The following AP2B1 variants were observed in gnomAD, a reference collection of about 807,000 sequenced individuals.
The protein encoded by AP2B1 is adaptor related protein complex 2 subunit beta 1, also known as AP-2 complex subunit beta.
AP2B1 carries 23 observed loss-of-function variants against 102.0 expected under a neutral mutation model. The ratio of observed to expected loss-of-function variants is 0.23; its 90% CI spans 0.16 to 0.32. The LOEUF is 0.32. AP2B1 is among the 10% of genes least tolerant of loss of function. AP2B1 has a pLI of 1.00. For missense variants in AP2B1, 541 were observed against 1,157.4 expected, an observed-to-expected ratio of 0.47 and a Z score of 7.73; for synonymous variants, 381 against 421.2, an observed-to-expected ratio of 0.90 and a Z score of 1.17.
At chr17:35,704,761 G>A (rs1173894167) in intron 18 of AP2B1, among the ~76,000 whole-genome samples, 8 of 152,088 alleles carry the variant, frequency 5.3e-5, no homozygotes, top group Non-Finnish European at 8.8e-5. Flanking sequence ...GGCTGGGTGC[G>A]GTGGCTCACG....
chr17:35,654,448 C>T (rs1053512677), intron 13 of AP2B1, among the ~76,000 whole-genome samples: 1 of 152,178 alleles, frequency 6.6e-6, no homozygotes, highest in Non-Finnish European at 1.5e-5. Flanking sequence ...ATATACCTAT[C>T]ACTCAGCTTT....
intron 14 of AP2B1, 73 bp downstream of exon 14, chr17:35,657,864 A>C: frequency 2.8e-6 from 4 of 1,407,374 alleles, no homozygotes; most frequent in Non-Finnish European, 3.9e-6. Context: ...TAAATTATTC[A>C]GCTTTTTAGA....
At chr17:35,661,532 A>G (rs1741600985) in intron 14 of AP2B1, among the ~76,000 whole-genome samples, 1 of 152,156 alleles carries the variant, frequency 6.6e-6, no homozygotes, top group African/African-American at 2.4e-5. Flanking sequence ...TTCCCCCTGA[A>G]TATTTTTCTG....
chr17:35,632,344 A>G (rs186558953), intron 9 of AP2B1, among the ~76,000 whole-genome samples: 2 of 152,162 alleles, frequency 1.3e-5, no homozygotes, highest in African/African-American at 2.4e-5. Flanking sequence ...CATGTTGGCT[A>G]TGCTGGTCTT....
chr17:35,601,939 G>A (rs1167169687), intron 3 of AP2B1, among the ~76,000 whole-genome samples: 2 of 152,032 alleles, frequency 1.3e-5, no homozygotes, highest in Admixed American at 1.3e-4. Flanking sequence ...CACCACGCCC[G>A]GCTAATTTTG....
chr17:35,688,046 G>A (rs1464825078), intron 18 of AP2B1, among the ~76,000 whole-genome samples: 3 of 152,134 alleles, frequency 2.0e-5, no homozygotes, highest in Non-Finnish European at 4.4e-5. Flanking sequence ...CTTTCTTAAA[G>A]TCTCTTCTAG....
At chr17:35,686,873 G>GGAGAATGGCGT (rs1316022061) in intron 18 of AP2B1, among the ~76,000 whole-genome samples, 7 of 152,210 alleles carry the variant, frequency 4.6e-5, no homozygotes, top group South Asian at 4.1e-4. Flanking sequence ...GGCTGAGGCA[G>GGAGAATGGCGT]GAGAATGGCG....
intron 18 of AP2B1, 56 bp from the exon 19 acceptor site, chr17:35,709,168 T>C (rs993670321): frequency 1.4e-6 from 2 of 1,475,798 alleles, no homozygotes; most frequent in Non-Finnish European, 1.9e-6. Context: ...GCTGTTCTTT[T>C]CCTCCTACCT....
intron 20 of AP2B1, among the ~76,000 whole-genome samples, chr17:35,711,474 C>G (rs915373094): frequency 3.4e-5 from 5 of 148,420 alleles, no homozygotes; most frequent in Non-Finnish European, 7.5e-5. Context: ...TCCCCCACCC[C>G]ACTCCCCGGC....
chr17:35,720,968 A>G (rs782673189), intron 21 of AP2B1, among the ~76,000 whole-genome samples: 9 of 152,158 alleles, frequency 5.9e-5, no homozygotes, highest in Non-Finnish European at 7.3e-5. Context: ...CTAAAGAGGC[A>G]GACTCTAAAG....
chr17:35,621,788 A>G (rs1567831049), intron 5 of AP2B1, among the ~76,000 whole-genome samples: 2 of 151,852 alleles, frequency 1.3e-5, no homozygotes, highest in Non-Finnish European at 2.9e-5. Flanking sequence ...TTTTCTCCCC[A>G]TTGCTGTTTT....
intron 18 of AP2B1, among the ~76,000 whole-genome samples, chr17:35,683,939 C>T (rs2075877400): frequency 6.6e-6 from 1 of 152,124 alleles, no homozygotes; most frequent in Non-Finnish European, 1.5e-5. Flanking sequence ...GGGTATAGCC[C>T]CTTGTGAGAA....
At chr17:35,720,548 TATATA>T (rs2085334510) in intron 21 of AP2B1, among the ~76,000 whole-genome samples, 1 of 46,384 alleles carries the variant, frequency 2.2e-5, no homozygotes, top group African/African-American at 8.3e-5. Context: ...ATTTTATTTA[TATATA>T]TATATATATA....
At chr17:35,698,687 A>G (rs1216570526) in intron 18 of AP2B1, among the ~76,000 whole-genome samples, 4 of 152,188 alleles carry the variant, frequency 2.6e-5, no homozygotes, top group Non-Finnish European at 4.4e-5. Flanking sequence ...GTAGTCTTTC[A>G]TGAAAATTGT....
chr17:35,712,632 A>G (rs1555588124), intron 20 of AP2B1, among the ~76,000 whole-genome samples: 1 of 152,182 alleles, frequency 6.6e-6, no homozygotes, highest in African/African-American at 2.4e-5. Context: ...CCGTCTCAAA[A>G]AAAAAATAAA....
chr17:35,680,706 T>TTTG (rs1567972437), intron 17 of AP2B1, among the ~76,000 whole-genome samples: 85 of 147,376 alleles, frequency 5.8e-4, no homozygotes, highest in African/African-American at 2.0e-3. Context: ...TTTTGTTTTT[T>TTTG]TTTTTTTTTT....
chr17:35,611,652 A>G (rs558434150), intron 5 of AP2B1, among the ~76,000 whole-genome samples: 1 of 152,362 alleles, frequency 6.6e-6, no homozygotes, highest in Non-Finnish European at 1.5e-5. Context: ...ATCAGGTGGC[A>G]TACGTATGCT....
chr17:35,633,060 T>A (rs1290520008), intron 9 of AP2B1, among the ~76,000 whole-genome samples: 1 of 151,942 alleles, frequency 6.6e-6, no homozygotes, highest in Non-Finnish European at 1.5e-5. Flanking sequence ...AGGACAGAAC[T>A]ACATAAAAGA....
intron 9 of AP2B1, among the ~76,000 whole-genome samples, chr17:35,630,003 G>A (rs997494588): frequency 6.6e-6 from 1 of 152,214 alleles, no homozygotes; most frequent in East Asian, 1.9e-4. Context: ...ATTATATGCA[G>A]TTCTGCCTAG....
Sources: allele counts gnomAD v4.1 joint callset (sites outside exome capture counted in the v4.1 genomes callset), GRCh38; gene constraint gnomAD v4.1.1; transcripts MANE v1.5; gene names NCBI Gene and HGNC (gene_info 2026-07-23, HGNC 2026-07-21).